FBXO16: variants seen among roughly 807,000 people sequenced by gnomAD.
The protein encoded by FBXO16 is F-box protein 16.
Under a neutral mutation model 41.0 loss-of-function variants are expected in FBXO16, and 31 were observed. The ratio of observed to expected loss-of-function variants is 0.76; its 90% confidence interval spans 0.57 to 1.02. The LOEUF (loss-of-function observed/expected upper bound fraction) is 1.02. FBXO16 is among the 50% of genes least tolerant of loss of function. The pLI is 0.00. For missense variants in FBXO16, 361 were observed against 346.2 expected (o/e 1.04, Z -0.34); for synonymous variants, 133 against 117.8 (o/e 1.13, Z -0.84).
intron 7 of FBXO16, among the ~76,000 whole-genome samples, chr8:28,440,511 T>C (rs1307068211): frequency 6.6e-6 from 1 of 152,212 alleles, no homozygotes; most frequent in Non-Finnish European, 1.5e-5. Context: ...CCATTGTTCA[T>C]TCCACAATAT....
At chr8:28,484,304 G>T (rs567516226) in intron 1 of FBXO16, among the ~76,000 whole-genome samples, 3 of 152,202 alleles carry the variant, frequency 2.0e-5, no homozygotes, top group African/African-American at 7.2e-5. Flanking sequence ...GCCTGACAGC[G>T]TATTGAAGAG....
intron 6 of FBXO16, 186 bp from the exon 7 acceptor site, chr8:28,447,459 A>G (rs1056488742): frequency 5.5e-6 from 3 of 544,180 alleles, no homozygotes; most frequent in African/African-American, 1.9e-5. Context: ...TCTCCACACA[A>G]TGCAGTACTA....
intron 4 of FBXO16, among the ~76,000 whole-genome samples, chr8:28,458,702 G>A (rs746785607): frequency 1.3e-5 from 2 of 151,934 alleles, no homozygotes; most frequent in Non-Finnish European, 2.9e-5. Flanking sequence ...ACAGGCATGC[G>A]CCACTATGCC....
chr8:28,471,296 A>T (rs1056804508), intron 3 of FBXO16, among the ~76,000 whole-genome samples: 2 of 152,112 alleles, frequency 1.3e-5, no homozygotes, highest in East Asian at 3.8e-4. Flanking sequence ...ATTCTTTTTT[A>T]AAAAATGATT....
intron 7 of FBXO16, among the ~76,000 whole-genome samples, chr8:28,431,615 C>A (rs184720757): frequency 5.9e-5 from 9 of 152,238 alleles, no homozygotes; most frequent in African/African-American, 2.2e-4. Flanking sequence ...GTCTTCATAG[C>A]ACATAGACTT....
Position 28,452,380 on chromosome 8 carries a change from A to C in FBXO16, c.604T>G (p.Ser202Ala). The C allele has an allele frequency of 6.2e-7, 1 of 1,614,246 alleles. No homozygotes were observed. Among genetic ancestry groups the C allele is most frequent in the Non-Finnish European group, 8.5e-7 (1 of 1,180,046 alleles). ...TTATTCTTCTTTCTTAAAGAGGAAGAGGACCGAAAAGCTGATAAAGGGGAC... is the reference window on the plus strand; with the variant it reads ...TTATTCTTCTTTCTTAAAGAGGAAGCGGACCGAAAAGCTGATAAAGGGGAC... ...KQSPLSAFRS[S>A]SSLRKKNNSG... The change falls in exon 6 of 9, where the codon TCT becomes GCT. Residue 202 changes from serine to alanine, a missense_variant. Physicochemically the swap from Ser to Ala is moderately conservative, Grantham distance 99. Transcript: ENST00000380254.
Position 28,428,513 on chromosome 8 carries a change from C to A in FBXO16, c.*214G>T. 1 of 1,510,294 alleles carries A rather than the reference C, an allele frequency of 6.6e-7. No homozygotes were observed. Among genetic ancestry groups the A allele is most frequent in the Non-Finnish European group, 8.8e-7 (1 of 1,132,018 alleles). 93.6% of individuals were successfully genotyped at this position (1,510,294 alleles called of 1,614,324 possible). On this transcript the variant is annotated 3_prime_UTR_variant, in exon 9 of 9. Transcript: ENST00000380254. ...TGGGAGCCAAGTAAATTCAGCTCTC[C>A]ACTGTGCAAAGCATCTTGTCATTTC...
chr8:28,454,277 T>A (rs1803000933), intron 5 of FBXO16, among the ~76,000 whole-genome samples: 1 of 151,970 alleles, frequency 6.6e-6, no homozygotes, highest in Non-Finnish European at 1.5e-5. Context: ...TCATTTAGAA[T>A]GGACATTCAT....
chr8:28,487,851 CT>C (rs543323414), intron 1 of FBXO16, among the ~76,000 whole-genome samples: 3,377 of 143,094 alleles, frequency 0.024, 90 homozygotes, highest in Admixed American at 0.09. Flanking sequence ...ATCTTTTTTT[CT>C]TTTTTTTTTT....
At chr8:28,442,154 G>A (rs1396594631) in intron 7 of FBXO16, among the ~76,000 whole-genome samples, 2 of 151,570 alleles carry the variant, frequency 1.3e-5, no homozygotes, top group South Asian at 2.1e-4. Context: ...TGGCCAGGCC[G>A]GTCTCAAACT....
At chr8:28,470,023 T>C (rs557843009) in intron 3 of FBXO16, among the ~76,000 whole-genome samples, 2 of 150,222 alleles carry the variant, frequency 1.3e-5, no homozygotes, top group Admixed American at 6.7e-5. Context: ...AAACCCCGTC[T>C]CTACTAAAAA....
At chr8:28,458,868 T>C (rs1041112103) in intron 4 of FBXO16, among the ~76,000 whole-genome samples, 18 of 152,188 alleles carry the variant, frequency 1.2e-4, no homozygotes, top group African/African-American at 4.3e-4. Flanking sequence ...TAGAGAGGAA[T>C]GAAGAGAATT....
chr8:28,435,744 T>C (rs913172927), intron 7 of FBXO16, among the ~76,000 whole-genome samples: 1 of 151,782 alleles, frequency 6.6e-6, no homozygotes, highest in Non-Finnish European at 1.5e-5. Flanking sequence ...AGGTGAAGGG[T>C]GGGGATCAAT....
rs773743577 is a variant in FBXO16, at chr8:28,486,516, C to T, written c.-16-3054G>A. Among the ~76,000 whole-genome samples, 90 of 150,002 alleles carry T rather than the reference C, an allele frequency of 6.0e-4. 1 individual carries two copies. Among genetic ancestry groups the T allele is most frequent in the Non-Finnish European group, 1.1e-3 (74 of 66,368 alleles). ...TGGGATTACAGGCGTAAGCCACCGC[C>T]GCGCCTGGGCTACATTTCTTCTTTT... On this transcript the variant is annotated intron_variant, in intron 1 of 8. Coordinates refer to ENST00000380254, the MANE Select transcript of FBXO16 (RefSeq NM_172366.4).
intron 2 of FBXO16, among the ~76,000 whole-genome samples, chr8:28,475,630 TACTC>T (rs1803411778): frequency 6.6e-6 from 1 of 152,250 alleles, no homozygotes; most frequent in South Asian, 2.1e-4. Context: ...TCCTAACTCC[TACTC>T]AATTTATAGT....
chr8:28,462,089 G>A (rs1011992978), intron 4 of FBXO16, among the ~76,000 whole-genome samples: 12 of 151,704 alleles, frequency 7.9e-5, no homozygotes, highest in African/African-American at 4.8e-5. Flanking sequence ...ACAGGCACAC[G>A]TCACCACACC....
chr8:28,469,266 T>C (rs1803293423), intron 3 of FBXO16, among the ~76,000 whole-genome samples: 1 of 151,784 alleles, frequency 6.6e-6, no homozygotes, highest in African/African-American at 2.4e-5. Flanking sequence ...TGAGCCGAGA[T>C]TGCACCATTG....
At chr8:28,450,840 G>A (rs1023639386) in intron 6 of FBXO16, among the ~76,000 whole-genome samples, 2 of 152,108 alleles carry the variant, frequency 1.3e-5, no homozygotes, top group East Asian at 1.9e-4. Context: ...ACTTTCGGAG[G>A]GCGAAGTGAG....
In FBXO16 at chr8:28,456,748, T is replaced by C; in HGVS notation, c.507+18A>G. On this transcript the variant is annotated intron_variant, in intron 5 of 8. Transcript: ENST00000380254. ...GAGCCAATGTTTGCAAGCTTGTGGCTTTCTGTCTAAAATTCACCTTAGGCT... is the reference window on the plus strand; with the variant it reads ...GAGCCAATGTTTGCAAGCTTGTGGCCTTCTGTCTAAAATTCACCTTAGGCT... 6.2e-7 allele frequency: 1 copy of C among 1,611,490 alleles called. No individual in the cohort carries two copies. Among genetic ancestry groups the C allele is most frequent in the Non-Finnish European group, 8.5e-7 (1 of 1,178,300 alleles).
Sources: gnomAD v4.1 joint callset for allele counts (sites outside exome capture counted in the v4.1 genomes callset) on GRCh38, gnomAD v4.1.1 for gene constraint, MANE v1.5 for transcripts, NCBI Gene and HGNC (gene_info 2026-07-23, HGNC 2026-07-21) for gene names.